CACNB2: variants seen among roughly 807,000 people sequenced by gnomAD.
The protein encoded by CACNB2 is voltage-dependent L-type calcium channel subunit beta-2.
Under a neutral mutation model 73.3 loss-of-function variants are expected in CACNB2, and 42 were observed. The ratio of observed to expected loss-of-function variants is 0.57; its 90% CI spans 0.45 to 0.74. The LOEUF is 0.74. Ranked by LOEUF, CACNB2 falls within the 30% of genes least tolerant of loss-of-function variation. The pLI is 0.00. For synonymous variants in CACNB2, 348 were observed against 310.3 expected, an observed-to-expected ratio of 1.12 and a Z score of -1.28; for missense variants, 940 against 853.0, an observed-to-expected ratio of 1.10 and a Z score of -1.27.
chr10:18,312,890 T>C (rs2040014613), intron 2 of CACNB2, among the ~76,000 whole-genome samples: 1 of 152,154 alleles, frequency 6.6e-6, no homozygotes, highest in Admixed American at 6.6e-5. Context: ...TTCAAGGTCA[T>C]GCTACTGACG....
chr10:18,496,605 G>A (rs1589545898), intron 3 of CACNB2, among the ~76,000 whole-genome samples: 1 of 151,926 alleles, frequency 6.6e-6, no homozygotes. Context: ...CTGAGGTCAG[G>A]AGTTCAAGAC....
Position 18,436,334 on chromosome 10 carries a change from G to T in CACNB2, c.333+34291G>T, listed in dbSNP as rs150304692. On this transcript the variant is annotated intron_variant, in intron 3 of 13. Transcript: ENST00000324631. ...ATACTTTGCTAACCCAGAAATTTTGGCAAGAAAGTATAAACTTGAGCCTTC... is the reference window on the plus strand; with the variant it reads ...ATACTTTGCTAACCCAGAAATTTTGTCAAGAAAGTATAAACTTGAGCCTTC... 5.3e-5 allele frequency among the ~76,000 whole-genome samples: 8 copies of T among 152,252 alleles called. No homozygotes were observed. In the East Asian group the frequency reaches 1.5e-3, roughly 29 times the overall value.
Position 18,466,992 on chromosome 10 carries a change from A to G in CACNB2, c.334-31363A>G, listed in dbSNP as rs376408912. On this transcript the variant is annotated intron_variant, in intron 3 of 13. Transcript: ENST00000324631. ...AACATGGTGAAATCCTGTCTCTACT[A>G]AAAATACAAAAATTAGCCGGGCATG... Among the ~76,000 whole-genome samples the G allele has an allele frequency of 1.8e-4, 28 of 152,180 alleles. 1 individual carries two copies. In the East Asian group the frequency reaches 3.5e-3, roughly 19 times the overall value.
chr10:18,423,982 T>A (rs1244043643), intron 3 of CACNB2, among the ~76,000 whole-genome samples: 3 of 152,152 alleles, frequency 2.0e-5, no homozygotes, highest in Non-Finnish European at 4.4e-5. Flanking sequence ...TCTTGTCTTC[T>A]CAATTTTTTT....
intron 3 of CACNB2, among the ~76,000 whole-genome samples, chr10:18,476,518 C>T (rs1272598140): frequency 1.3e-5 from 2 of 152,292 alleles, no homozygotes; most frequent in South Asian, 2.1e-4. Flanking sequence ...GACTCTCCAT[C>T]AGTCTGATTG....
At chr10:18,141,103 C>G in intron 1 of CACNB2, 1 of 1,549,362 alleles carries the variant, frequency 6.5e-7, no homozygotes, top group Non-Finnish European at 8.7e-7. Context: ...GGGAGACCTG[C>G]CAGTCCTCCC....
At chr10:18,537,904 C>CTGAT (rs1373460590) in intron 12 of CACNB2, among the ~76,000 whole-genome samples, 8 of 152,116 alleles carry the variant, frequency 5.3e-5, no homozygotes, top group South Asian at 2.1e-4. Flanking sequence ...TTTTTCATTG[C>CTGAT]TGATTGATAG....
intron 3 of CACNB2, among the ~76,000 whole-genome samples, chr10:18,455,766 T>A (rs2047247058): frequency 6.6e-6 from 1 of 152,218 alleles, no homozygotes; most frequent in Non-Finnish European, 1.5e-5. Flanking sequence ...TGGATTCTGC[T>A]TTAGTATGAT....
At chr10:18,358,058 G>A (rs1396827835) in intron 2 of CACNB2, among the ~76,000 whole-genome samples, 1 of 152,108 alleles carries the variant, frequency 6.6e-6, no homozygotes, top group African/African-American at 2.4e-5. Flanking sequence ...AAAGGAATAC[G>A]CAGAAACAGG....
chr10:18,539,216 C>G lies in CACNB2; in HGVS notation c.1489-14C>G, dbSNP rs1255679484. ...GACCTTGGTTAACGCCTGGTGTGCT[C>G]CTTTCGCTGCCAGGGTTCTCAAGGT... On this transcript the variant is annotated splice_polypyrimidine_tract_variant and intron_variant, in intron 13 of 13. Coordinates refer to ENST00000324631, the MANE Select transcript of CACNB2 (RefSeq NM_201596.3). 6.2e-7 allele frequency: 1 copy of G among 1,613,960 alleles called. No individual in the cohort carries two copies. The highest frequency in any genetic ancestry group is 2.2e-5 in the East Asian group (1 of 44,858).
intron 3 of CACNB2, among the ~76,000 whole-genome samples, chr10:18,475,866 A>G (rs1160478855): frequency 6.6e-6 from 1 of 152,178 alleles, no homozygotes; most frequent in African/African-American, 2.4e-5. Flanking sequence ...TTCATAGCCA[A>G]TGTTGTGTTA....
intron 2 of CACNB2, among the ~76,000 whole-genome samples, chr10:18,211,382 T>A (rs981821265): frequency 1.3e-5 from 2 of 152,182 alleles, no homozygotes; most frequent in African/African-American, 4.8e-5. Flanking sequence ...GTTCTATTTT[T>A]AAATATTTAT....
intron 7 of CACNB2, chr10:18,515,101 G>A: frequency 7.4e-7 from 1 of 1,359,804 alleles, no homozygotes; most frequent in South Asian, 1.2e-5. Flanking sequence ...TTCTCCATCA[G>A]TCAGATTTTA....
At chr10:18,294,368 C>A (rs1019614692) in intron 2 of CACNB2, among the ~76,000 whole-genome samples, 4 of 152,180 alleles carry the variant, frequency 2.6e-5, no homozygotes, top group Non-Finnish European at 4.4e-5. Flanking sequence ...CTTATCAGAT[C>A]ATCCTGGTAC....
intron 3 of CACNB2, among the ~76,000 whole-genome samples, chr10:18,483,215 C>T (rs758031207): frequency 1.9e-4 from 29 of 151,646 alleles, no homozygotes; most frequent in South Asian, 1.0e-3. Flanking sequence ...ACACTCAGCT[C>T]AATCATTTTC....
intron 2 of CACNB2, among the ~76,000 whole-genome samples, chr10:18,170,385 C>G (rs1423299186): frequency 6.6e-6 from 1 of 152,150 alleles, no homozygotes; most frequent in African/African-American, 2.4e-5. Context: ...AAGAATAAGT[C>G]CTTGCCATCC....
At chr10:18,428,515 C>T (rs1422078066) in intron 3 of CACNB2, among the ~76,000 whole-genome samples, 1 of 151,968 alleles carries the variant, frequency 6.6e-6, no homozygotes, top group Non-Finnish European at 1.5e-5. Context: ...GGTGAAACCC[C>T]TTCTCTACAA....
intron 3 of CACNB2, among the ~76,000 whole-genome samples, chr10:18,453,691 G>A (rs547894379): frequency 1.3e-5 from 2 of 152,288 alleles, no homozygotes; most frequent in South Asian, 2.1e-4. Context: ...GTGCAGTGGC[G>A]CGATCTCGGC....
intron 2 of CACNB2, among the ~76,000 whole-genome samples, chr10:18,318,124 T>C (rs929041618): frequency 7.2e-5 from 11 of 152,268 alleles, no homozygotes; most frequent in African/African-American, 2.6e-4. Flanking sequence ...GAAAAAGCTA[T>C]TTTAAATTTC....
Sources: allele counts gnomAD v4.1 joint callset (sites outside exome capture counted in the v4.1 genomes callset), GRCh38; gene constraint gnomAD v4.1.1; transcripts MANE v1.5; gene names NCBI Gene and HGNC (gene_info 2026-07-23, HGNC 2026-07-21).